Variants in SIRT1 observed in about 807,000 individuals in gnomAD.
The protein encoded by SIRT1 is NAD-dependent protein deacetylase sirtuin-1.
In SIRT1, 24 loss-of-function variants were observed where a neutral mutation model predicts 67.9. The ratio of observed to expected loss-of-function variants is 0.35; its 90% CI spans 0.26 to 0.50. The LOEUF is 0.50. Ranked by LOEUF, SIRT1 falls within the 20% of genes least tolerant of loss-of-function variation. The pLI is 0.98. For synonymous variants in SIRT1, 378 were observed against 350.7 expected (o/e 1.08, Z -0.87); for missense variants, 873 against 937.2 (o/e 0.93, Z 0.89).
chr10:67,889,053 T>C lies in SIRT1; in HGVS notation c.719T>C (p.Ile240Thr), dbSNP rs199618656. 18 of 1,611,696 alleles carry C rather than the reference T, an allele frequency of 1.1e-5. No individual in the cohort carries two copies. The highest frequency in any genetic ancestry group is 5.3e-5 in the African/African-American group (4 of 74,892). ...EPPKRKKRKD[I>T]NTIEDAVKLL... is the part of the protein sequence containing the mutation. ...CCAAAAAGGAAAAAAAGAAAAGATA[T>C]TAATACAATTGAAGATGCTGTGAAA... Residue 240 changes from isoleucine (I) to threonine (T), a missense_variant, in exon 3 of 9, where the codon ATT becomes ACT. Around this residue, in one of 3 missense-constraint regions of SIRT1, gnomAD observed 251 missense variants for 358.8 expected, o/e 0.70. Transcript: ENST00000212015.
chr10:67,905,936 T>A (rs1842814759), intron 4 of SIRT1: 1 of 235,470 alleles, frequency 4.2e-6, no homozygotes, highest in Non-Finnish European at 8.0e-6. Flanking sequence ...TGTGTCTAGT[T>A]TTTTGCTAGC....
chr10:67,906,543 A>C (rs1842822877), intron 4 of SIRT1, among the ~76,000 whole-genome samples: 1 of 152,114 alleles, frequency 6.6e-6, no homozygotes, highest in South Asian at 2.1e-4. Context: ...CATTTCTTAG[A>C]GATGTTTATG....
chr10:67,904,854 AAAAAAAG>A (rs1159014620), intron 4 of SIRT1, among the ~76,000 whole-genome samples: 2 of 152,058 alleles, frequency 1.3e-5, no homozygotes, highest in Non-Finnish European at 2.9e-5. Context: ...CAAAAAAAAA[AAAAAAAG>A]CAGGCTTATA....
chr10:67,892,484 G>C (rs1842588613), intron 4 of SIRT1, among the ~76,000 whole-genome samples: 1 of 152,120 alleles, frequency 6.6e-6, no homozygotes. Flanking sequence ...GAGGTGGGAA[G>C]ATCCCTTGAG....
chr10:67,885,609 T>G (rs924377097), intron 1 of SIRT1, among the ~76,000 whole-genome samples: 28 of 152,170 alleles, frequency 1.8e-4, no homozygotes, highest in Admixed American at 7.9e-4. Context: ...ACTTGACACC[T>G]GTGCAGTTTG....
At chr10:67,912,373 G>A in intron 7 of SIRT1, 101 bp from the exon 8 acceptor site, 4 of 1,079,264 alleles carry the variant, frequency 3.7e-6, no homozygotes, top group East Asian at 4.8e-5. Context: ...GGAATTTGGA[G>A]CTCAAGCCCT....
rs970041908 is a variant in SIRT1, at chr10:67,907,237, G to A, written c.1090+300G>A. ...TGGCTGAGTGCAGTGGCTCACGCCTGTAATCCTAGCACTTTGGGAAGCCGA... is the reference window on the plus strand; with the variant it reads ...TGGCTGAGTGCAGTGGCTCACGCCTATAATCCTAGCACTTTGGGAAGCCGA... On this transcript the variant is annotated intron_variant, in intron 5 of 8. Transcript: ENST00000212015. 4.6e-5 allele frequency among the ~76,000 whole-genome samples: 7 copies of A among 152,292 alleles called. No individual in the cohort carries two copies. The South Asian group carries it at 1.2e-3, about 27-fold the overall frequency.
chr10:67,909,183 G>T, intron 6 of SIRT1, 73 bp from the exon 7 acceptor site: 2 of 986,424 alleles, frequency 2.0e-6, no homozygotes, highest in East Asian at 2.5e-5. Flanking sequence ...TTAGAGGTAT[G>T]GAAATGTTGA....
At chr10:67,907,188 T>G (rs10823109) in intron 5 of SIRT1, among the ~76,000 whole-genome samples, 11,470 of 152,238 alleles carry the variant, frequency 0.075, 708 homozygotes, top group East Asian at 0.3. Context: ...TTGCATGCAT[T>G]CAATTATTTT....
In SIRT1 at chr10:67,888,986, A is replaced by G. The variant is rs745979871; in HGVS notation, c.652A>G (p.Met218Val). ...ETIPPPELDDMTLWQIVINIL... is the reference protein window; with the variant it reads ...ETIPPPELDDVTLWQIVINIL... ...AATACCTCCACCTGAGTTGGATGAT[A>G]TGACACTGTGGCAGATTGTTATTAA... The change falls in exon 3 of 9, where the codon ATG (methionine) becomes GTG (valine). Residue 218 changes from methionine (M) to valine (V), a missense_variant. Transcript: ENST00000212015. The G allele has an allele frequency of 2.5e-6, 4 of 1,614,038 alleles. No homozygotes were observed. Among genetic ancestry groups the G allele is most frequent in the Non-Finnish European group, 3.4e-6 (4 of 1,179,962 alleles).
intron 4 of SIRT1, among the ~76,000 whole-genome samples, chr10:67,901,839 T>C (rs1842749635): frequency 6.6e-6 from 1 of 152,216 alleles, no homozygotes; most frequent in South Asian, 2.1e-4. Flanking sequence ...ACAAATAAAG[T>C]TTATGTGGTG....
intron 4 of SIRT1, among the ~76,000 whole-genome samples, chr10:67,905,118 T>TTAC (rs1842801591): frequency 6.6e-6 from 1 of 152,208 alleles, no homozygotes; most frequent in Non-Finnish European, 1.5e-5. Context: ...TATCACTTGC[T>TTAC]TACTATTATA....
chr10:67,896,761 CAAA>C (rs35899726), intron 4 of SIRT1, among the ~76,000 whole-genome samples: 72 of 56,732 alleles, frequency 1.3e-3, no homozygotes, highest in African/African-American at 3.4e-3. Flanking sequence ...GAATCTGTCT[CAAA>C]AAAAAAAAAA....
chr10:67,887,655 T>G, intron 2 of SIRT1, 122 bp downstream of exon 2: 1 of 573,916 alleles, frequency 1.7e-6, no homozygotes, highest in South Asian at 1.9e-5. Flanking sequence ...CGGCTCACCG[T>G]ACCCTCCGCC....
intron 4 of SIRT1, among the ~76,000 whole-genome samples, chr10:67,905,898 A>G (rs977127590): frequency 6.6e-6 from 1 of 152,112 alleles, no homozygotes; most frequent in Non-Finnish European, 1.5e-5. Context: ...TATTTATACA[A>G]CCGGTTCCCT....
chr10:67,900,415 G>T (rs1037425367), intron 4 of SIRT1, among the ~76,000 whole-genome samples: 1 of 152,090 alleles, frequency 6.6e-6, no homozygotes, highest in Non-Finnish European at 1.5e-5. Flanking sequence ...AAAGTGCTGG[G>T]TTTATAGGTG....
At chr10:67,887,566 A>G (rs775433451) in intron 2 of SIRT1, 33 bp downstream of exon 2, 31 of 1,441,120 alleles carry the variant, frequency 2.2e-5, no homozygotes, top group Non-Finnish European at 2.9e-5. Flanking sequence ...TTAGAGAGTA[A>G]ATGTACGGTT....
At chr10:67,915,493 G>T (rs146400534) in intron 8 of SIRT1, among the ~76,000 whole-genome samples, 1 of 152,114 alleles carries the variant, frequency 6.6e-6, no homozygotes, top group African/African-American at 2.4e-5. Context: ...TTTCAAAAGC[G>T]TCTTAGACTG....
At chr10:67,887,585 G>A (rs1413830856) in intron 2 of SIRT1, 52 bp downstream of exon 2, 5 of 1,284,132 alleles carry the variant, frequency 3.9e-6, no homozygotes, top group Non-Finnish European at 1.1e-6. Context: ...TTTTTGGTTT[G>A]TTTGTTTTGA....
Sources: allele counts gnomAD v4.1 joint callset (sites outside exome capture counted in the v4.1 genomes callset), GRCh38; gene constraint gnomAD v4.1.1; regional missense constraint gnomAD v4.1.1; transcripts MANE v1.5; gene names NCBI Gene and HGNC (gene_info 2026-07-23, HGNC 2026-07-21).